The following NKAIN3 variants were observed in gnomAD, a reference collection of about 807,000 sequenced individuals.
The protein encoded by NKAIN3 is sodium/potassium-transporting ATPase subunit beta-1-interacting protein 3.
A neutral mutation model predicts 30.2 loss-of-function variants in NKAIN3; 25 were observed. The ratio of observed to expected loss-of-function variants is 0.83; its 90% CI spans 0.60 to 1.16. The LOEUF (loss-of-function observed/expected upper bound fraction) is 1.16, where lower values mean the gene tolerates loss of function less well. NKAIN3 is among the 50% of genes most tolerant of loss of function. The probability of loss-of-function intolerance (pLI) is 0.00; values close to 1 mark genes in which losing one functional copy is unlikely to be tolerated. For missense variants in NKAIN3, 225 were observed against 254.1 expected, an observed-to-expected ratio of 0.89 and a Z score of 0.78; for synonymous variants, 91 against 89.6, an observed-to-expected ratio of 1.02 and a Z score of -0.09.
rs1044550760 is a variant in NKAIN3, at chr8:62,556,685, AC to A, written c.55-22853del. 5.9e-5 allele frequency among the ~76,000 whole-genome samples: 9 copies of A among 151,866 alleles called. No individual in the cohort carries two copies. In the South Asian group the frequency reaches 6.2e-4, roughly 10 times the overall value. ...ATATAATAGAATTTAAGGCAAAAAA[AC>A]ATTATAATGGATAAATATTATAATA... is the stretch of plus-strand genomic sequence containing the variant. On this transcript the variant is annotated intron_variant, in intron 1 of 6. Coordinates refer to ENST00000623646, the MANE Select transcript of NKAIN3 (RefSeq NM_001304533.3).
intron 1 of NKAIN3, among the ~76,000 whole-genome samples, chr8:62,388,881 T>A (rs1009934154): frequency 7.1e-6 from 1 of 140,572 alleles, no homozygotes; most frequent in African/African-American, 2.6e-5. Flanking sequence ...GACCAAGAAC[T>A]CTGTGGTTAA....
intron 3 of NKAIN3, among the ~76,000 whole-genome samples, chr8:62,657,924 G>A (rs1186633430): frequency 6.6e-6 from 1 of 152,140 alleles, no homozygotes; most frequent in African/African-American, 2.4e-5. Flanking sequence ...GAGCAAATGG[G>A]GAGAGCTCTG....
At chr8:62,713,012 T>C (rs1814771173) in intron 3 of NKAIN3, among the ~76,000 whole-genome samples, 1 of 151,954 alleles carries the variant, frequency 6.6e-6, no homozygotes, top group South Asian at 2.1e-4. Context: ...CCAGTGGGAG[T>C]GTGTGTTCGG....
intron 1 of NKAIN3, among the ~76,000 whole-genome samples, chr8:62,426,108 G>A (rs1051575455): frequency 5.9e-5 from 9 of 152,010 alleles, no homozygotes; most frequent in Admixed American, 5.9e-4. Flanking sequence ...GGTGAGACTG[G>A]AAATGTCAAG....
chr8:62,816,607 T>A (rs759048176), intron 4 of NKAIN3, among the ~76,000 whole-genome samples: 5 of 152,142 alleles, frequency 3.3e-5, no homozygotes, highest in Non-Finnish European at 5.9e-5. Context: ...CCCACTATGC[T>A]GGATCACTTG....
At chr8:62,910,588 G>T (rs376017385) in intron 4 of NKAIN3, among the ~76,000 whole-genome samples, 2 of 152,008 alleles carry the variant, frequency 1.3e-5, no homozygotes, top group East Asian at 1.9e-4. Flanking sequence ...TTCTTAGAGG[G>T]TATTTAGATT....
At chr8:62,575,418 A>G (rs1361488396) in intron 1 of NKAIN3, among the ~76,000 whole-genome samples, 1 of 152,146 alleles carries the variant, frequency 6.6e-6, no homozygotes, top group Non-Finnish European at 1.5e-5. Flanking sequence ...AATGTGAAAG[A>G]TCTCAGCAAT....
intron 1 of NKAIN3, among the ~76,000 whole-genome samples, chr8:62,457,493 T>C (rs1805856638): frequency 6.6e-6 from 1 of 152,200 alleles, no homozygotes; most frequent in Non-Finnish European, 1.5e-5. Context: ...GCCTTTGAAG[T>C]CCTCTCCAAC....
rs1823893310 is a variant in NKAIN3 at position 62,974,130 on chromosome 8, A to C, written c.*8723A>C. ...TCCAGCTTTGTTCTTTTTGCTTAGG[A>C]TTGTTTTGGCTATATGGGCTCTTTT... On this transcript the variant is annotated 3_prime_UTR_variant, in exon 7 of 7. Transcript: ENST00000623646. Among the ~76,000 whole-genome samples, 1 of 152,036 alleles carries C rather than the reference A, an allele frequency of 6.6e-6. No homozygotes were observed. Among genetic ancestry groups the C allele is most frequent in the South Asian group, 2.1e-4 (1 of 4,828 alleles).
chr8:62,618,843 T>C (rs911622263), intron 3 of NKAIN3, among the ~76,000 whole-genome samples: 1 of 151,642 alleles, frequency 6.6e-6, no homozygotes, highest in Admixed American at 6.6e-5. Context: ...GAGGCAGAGG[T>C]TGCAGTGAGC....
intron 4 of NKAIN3, among the ~76,000 whole-genome samples, chr8:62,750,834 C>T (rs1816257123): frequency 6.6e-6 from 1 of 152,108 alleles, no homozygotes; most frequent in Non-Finnish European, 1.5e-5. Context: ...GACAAGCAGA[C>T]TCCGGCCCTG....
chr8:62,519,369 A>G (rs1204210738), intron 1 of NKAIN3, among the ~76,000 whole-genome samples: 2 of 152,118 alleles, frequency 1.3e-5, no homozygotes, highest in Non-Finnish European at 2.9e-5. Context: ...GACTCTTAAA[A>G]TGGTGCTGTC....
intron 1 of NKAIN3, among the ~76,000 whole-genome samples, chr8:62,319,880 A>G (rs1038818850): frequency 1.3e-5 from 2 of 151,892 alleles, no homozygotes; most frequent in Non-Finnish European, 2.9e-5. Flanking sequence ...CAATTCCTGG[A>G]TATCCTTGTT....
chr8:62,985,950 A>G (rs1393843043), downstream of NKAIN3, among the ~76,000 whole-genome samples: 1 of 152,220 alleles, frequency 6.6e-6, no homozygotes, highest in Admixed American at 6.5e-5. Flanking sequence ...CCATTTATCA[A>G]AGTAGAAATA....
Position 62,972,396 on chromosome 8 carries a change from T to C in NKAIN3, c.*6989T>C, listed in dbSNP as rs1055433911. On this transcript the variant is annotated 3_prime_UTR_variant, in exon 7 of 7. Transcript: ENST00000623646. ...TATTGGGGGGCAAAATATGACTTTTTATTTTTATTTTTAACCACCAGATTG... is the reference window on the plus strand; with the variant it reads ...TATTGGGGGGCAAAATATGACTTTTCATTTTTATTTTTAACCACCAGATTG... Among the ~76,000 whole-genome samples, 1 of 152,176 alleles carries C rather than the reference T, an allele frequency of 6.6e-6. No individual in the cohort carries two copies. Among genetic ancestry groups the C allele is most frequent in the African/African-American group, 2.4e-5 (1 of 41,454 alleles).
At chr8:62,489,182 A>ATT (rs1806993568) in intron 1 of NKAIN3, among the ~76,000 whole-genome samples, 2 of 68,934 alleles carry the variant, frequency 2.9e-5, no homozygotes, top group African/African-American at 5.3e-5. Context: ...ACACCTGGCT[A>ATT]ATTTTTTTTT....
chr8:62,814,822 C>G (rs1239609824), intron 4 of NKAIN3, among the ~76,000 whole-genome samples: 1 of 151,954 alleles, frequency 6.6e-6, no homozygotes, highest in Non-Finnish European at 1.5e-5. Flanking sequence ...ATTAAAAGAA[C>G]TAGAAAAGCA....
At chr8:62,945,692 T>C (rs1478604334) in intron 5 of NKAIN3, among the ~76,000 whole-genome samples, 1 of 152,186 alleles carries the variant, frequency 6.6e-6, no homozygotes, top group South Asian at 2.1e-4. Context: ...TTACATTCAC[T>C]TGGGGCACAC....
chr8:62,802,315 T>C (rs1319336706), intron 4 of NKAIN3, among the ~76,000 whole-genome samples: 1 of 152,116 alleles, frequency 6.6e-6, no homozygotes, highest in African/African-American at 2.4e-5. Flanking sequence ...GACACGTAGT[T>C]GTCAGATTCA....
Sources: allele counts gnomAD v4.1 joint callset (sites outside exome capture counted in the v4.1 genomes callset), GRCh38; gene constraint gnomAD v4.1.1; transcripts MANE v1.5; gene names NCBI Gene and HGNC (gene_info 2026-07-23, HGNC 2026-07-21).